TRAPPC11: variants seen among roughly 807,000 people sequenced by gnomAD.
The protein encoded by TRAPPC11 is foie gras homolog.
Under a neutral mutation model 151.2 loss-of-function variants are expected in TRAPPC11, and 104 were observed. The ratio of observed to expected loss-of-function variants is 0.69; its 90% CI spans 0.59 to 0.81. The LOEUF is 0.81. Ranked by LOEUF, TRAPPC11 falls within the 30% of genes least tolerant of loss-of-function variation. TRAPPC11 has a pLI of 0.00. For synonymous variants in TRAPPC11, 456 were observed against 472.3 expected, an observed-to-expected ratio of 0.97 and a Z score of 0.45; for missense variants, 1,230 against 1,349.6, an observed-to-expected ratio of 0.91 and a Z score of 1.39.
chr4:183,700,620 A>G (rs1579218176), intron 25 of TRAPPC11, among the ~76,000 whole-genome samples: 2 of 152,308 alleles, frequency 1.3e-5, no homozygotes, highest in African/African-American at 2.4e-5. Flanking sequence ...GAAGGAAAGC[A>G]TTCTTGCACA....
At chr4:183,693,536 AATTT>A in intron 20 of TRAPPC11, 49 bp from the exon 21 acceptor site, 1 of 1,549,880 alleles carries the variant, frequency 6.5e-7, no homozygotes, top group Non-Finnish European at 8.7e-7. Flanking sequence ...TTATTTGAAT[AATTT>A]ATTTGCTTTT....
intron 6 of TRAPPC11, 115 bp from the exon 7 acceptor site, chr4:183,675,049 G>C (rs11938175): frequency 1.7e-6 from 1 of 591,036 alleles, no homozygotes; most frequent in African/African-American, 2.0e-5. Flanking sequence ...AATAATTCTT[G>C]TATTTCAGTT....
At chr4:183,665,905 T>A (rs1734853100) in intron 2 of TRAPPC11, among the ~76,000 whole-genome samples, 1 of 151,094 alleles carries the variant, frequency 6.6e-6, no homozygotes, top group African/African-American at 2.4e-5. Context: ...AGAATATAAG[T>A]AGAATTTACC....
At position 183,712,769 on chromosome 4, in the gene TRAPPC11, A is replaced by T. The variant is rs1444774393; in HGVS notation, c.*125A>T. 2.3e-6 allele frequency: 2 copies of T among 878,020 alleles called. No individual in the cohort carries two copies. The highest frequency in any genetic ancestry group is 1.6e-5 in the South Asian group (1 of 62,120). 54.4% of individuals were successfully genotyped at this position (878,020 alleles called of 1,614,324 possible). ...CCTTTTCTATTTTTTAATGGATGTT[A>T]TACCAACTATTCAGAGGAACTCATA... On this transcript the variant is annotated 3_prime_UTR_variant, in exon 30 of 30. Coordinates refer to ENST00000334690, the MANE Select transcript of TRAPPC11 (RefSeq NM_021942.6).
chr4:183,665,178 T>C (rs973458391), intron 2 of TRAPPC11, among the ~76,000 whole-genome samples: 3 of 139,874 alleles, frequency 2.1e-5, no homozygotes, highest in Non-Finnish European at 4.5e-5. Context: ...CACTGCAAGC[T>C]CCGCCTCCTG....
At chr4:183,674,015 A>G (rs940295824) in intron 5 of TRAPPC11, among the ~76,000 whole-genome samples, 1 of 152,218 alleles carries the variant, frequency 6.6e-6, no homozygotes, top group Non-Finnish European at 1.5e-5. Flanking sequence ...CCTAAATACT[A>G]AAATCACCAA....
intron 2 of TRAPPC11, among the ~76,000 whole-genome samples, chr4:183,664,699 A>G (rs993727317): frequency 6.6e-6 from 1 of 152,186 alleles, no homozygotes; most frequent in Non-Finnish European, 1.5e-5. Context: ...AAAAAACAGT[A>G]AAACAGTTTA....
chr4:183,710,522 G>A (rs181225599), intron 29 of TRAPPC11, among the ~76,000 whole-genome samples: 11,213 of 151,112 alleles, frequency 0.074, 568 homozygotes, highest in Non-Finnish European at 0.12. Context: ...TCCTGACCTC[G>A]TGATCCTCCC....
chr4:183,701,843 G>T, intron 26 of TRAPPC11, 35 bp downstream of exon 26: 3 of 1,321,382 alleles, frequency 2.3e-6, no homozygotes, highest in Non-Finnish European at 3.3e-6. Context: ...TTTCTTCAAT[G>T]TCTCTGTTAT....
intron 10 of TRAPPC11, among the ~76,000 whole-genome samples, chr4:183,680,615 T>TG (rs1213577655): frequency 6.6e-6 from 1 of 151,530 alleles, no homozygotes; most frequent in Non-Finnish European, 1.5e-5. Flanking sequence ...AAATCTGTTT[T>TG]GACCCACTGG....
At position 183,667,130 on chromosome 4, in the gene TRAPPC11, G is replaced by A; in HGVS notation, c.445G>A (p.Gly149Arg). 5.6e-6 allele frequency: 9 copies of A among 1,599,166 alleles called. No individual in the cohort carries two copies. The highest frequency in any genetic ancestry group is 7.7e-6 in the Non-Finnish European group (9 of 1,170,014). ...TCAGAAGAAAACCCCTTTGCCCCCA[G>A]GTATCAGAAGTCTAATTAATGAATT... ...LIQKKTPLPP[G>R]EDVIASERAA... Residue 149 changes from glycine (G) to arginine (R), a missense_variant and splice_region_variant, in exon 4 of 30, where the codon GGA becomes AGA. Gly to Arg is a moderately radical substitution (Grantham distance 125). Transcript: ENST00000334690.
At chr4:183,688,727 G>A (rs528178427) in intron 18 of TRAPPC11, among the ~76,000 whole-genome samples, 7 of 151,402 alleles carry the variant, frequency 4.6e-5, no homozygotes, top group African/African-American at 1.7e-4. Flanking sequence ...TTATTTTAGT[G>A]TGTGTGCGTG....
At chr4:183,711,590 C>T (rs1246628032) in intron 29 of TRAPPC11, among the ~76,000 whole-genome samples, 2 of 152,164 alleles carry the variant, frequency 1.3e-5, no homozygotes, top group African/African-American at 4.8e-5. Context: ...CACTCCATTC[C>T]TGCCGTGAAT....
At chr4:183,701,482 G>A (rs1047848094) in intron 25 of TRAPPC11, 14 of 475,570 alleles carry the variant, frequency 2.9e-5, no homozygotes, top group African/African-American at 7.8e-5. Flanking sequence ...TGCCTCATTG[G>A]ATTTTACTGT....
At chr4:183,666,544 T>A in intron 3 of TRAPPC11, 118 bp downstream of exon 3, 1 of 976,944 alleles carries the variant, frequency 1.0e-6, no homozygotes, top group Non-Finnish European at 1.5e-6. Flanking sequence ...CGGATTGACC[T>A]CCAGTGAATC....
chr4:183,674,611 A>G, intron 5 of TRAPPC11, 102 bp from the exon 6 acceptor site: 3 of 605,056 alleles, frequency 5.0e-6, no homozygotes, highest in Admixed American at 3.3e-5. Context: ...TAAAACAGAT[A>G]TTTCTGTCAC....
chr4:183,697,663 T>A lies in TRAPPC11; in HGVS notation c.2695-16T>A. 3 of 1,613,092 alleles carry A rather than the reference T, an allele frequency of 1.9e-6. No homozygotes were observed. Among genetic ancestry groups the A allele is most frequent in the Non-Finnish European group, 2.5e-6 (3 of 1,179,532 alleles). On this transcript the variant is annotated splice_polypyrimidine_tract_variant and intron_variant, in intron 24 of 29. Transcript: ENST00000334690. ...AAGGTAATTCCTGACAGACCTTTTATCTTCATTTGTGACAGTTTGAGCACC... is the reference window on the plus strand; with the variant it reads ...AAGGTAATTCCTGACAGACCTTTTAACTTCATTTGTGACAGTTTGAGCACC...
At chr4:183,665,072 G>A (rs981127734) in intron 2 of TRAPPC11, among the ~76,000 whole-genome samples, 13 of 148,056 alleles carry the variant, frequency 8.8e-5, no homozygotes, top group Non-Finnish European at 1.5e-4. Flanking sequence ...GCCCTCACAC[G>A]ATTATTTTTC....
Position 183,684,058 on chromosome 4 carries a change from A to G in TRAPPC11, c.1287+4A>G, listed in dbSNP as rs1735836565. 1 of 1,613,306 alleles carries G rather than the reference A, an allele frequency of 6.2e-7. No homozygotes were observed. The highest frequency in any genetic ancestry group is 1.3e-5 in the African/African-American group (1 of 74,890). ...GGAGAGAAATGTTGTTCACTCTGTA[A>G]GTTTTGTGTCCAATATAAACTATTT... On this transcript the variant is annotated splice_donor_region_variant and intron_variant, in intron 12 of 29. Transcript: ENST00000334690.
Sources: gnomAD v4.1 joint callset for allele counts (sites outside exome capture counted in the v4.1 genomes callset) on GRCh38, gnomAD v4.1.1 for gene constraint, MANE v1.5 for transcripts, NCBI Gene and HGNC (gene_info 2026-07-23, HGNC 2026-07-21) for gene names.